CHMP5: variants seen among roughly 807,000 people sequenced by gnomAD.
The protein encoded by CHMP5 is charged multivesicular body protein 5.
CHMP5 carries 17 observed loss-of-function variants against 33.0 expected under a neutral mutation model. The ratio of observed to expected loss-of-function variants is 0.52; its 90% CI spans 0.35 to 0.77. The LOEUF (loss-of-function observed/expected upper bound fraction) is 0.77. Among genes scored for constraint, CHMP5 ranks in the 30% least tolerant of loss-of-function variants. CHMP5 has a pLI of 0.01. For synonymous variants in CHMP5, 76 were observed against 90.2 expected (o/e 0.84, Z 0.89); for missense variants, 216 against 261.5 (o/e 0.83, Z 1.20).
intron 5 of CHMP5, 99 bp from the exon 6 acceptor site, chr9:33,276,357 A>G: frequency 1.5e-6 from 1 of 648,576 alleles, no homozygotes; most frequent in Non-Finnish European, 2.7e-6. Flanking sequence ...ATCTTTTTAA[A>G]AATTGCTCAT....
At chr9:33,269,093 C>CA (rs1820762570) in intron 3 of CHMP5, among the ~76,000 whole-genome samples, 3 of 152,130 alleles carry the variant, frequency 2.0e-5, no homozygotes, top group African/African-American at 7.2e-5. Context: ...GTATAAAGAA[C>CA]ATAGTGACAT....
At chr9:33,267,744 A>G (rs1820743805) in intron 2 of CHMP5, 109 bp from the exon 3 acceptor site, 2 of 716,046 alleles carry the variant, frequency 2.8e-6, no homozygotes, top group Non-Finnish European at 5.0e-6. Context: ...TATGCCTACT[A>G]CTTTGAAGAA....
intron 7 of CHMP5, among the ~76,000 whole-genome samples, chr9:33,278,499 T>G (rs1008138974): frequency 4.6e-5 from 7 of 152,242 alleles, no homozygotes; most frequent in African/African-American, 1.7e-4. Flanking sequence ...TGGGTACCAT[T>G]GATGGGTCTT....
chr9:33,276,471 C>T lies in CHMP5; in HGVS notation c.403C>T (p.Leu135=). 1 of 1,601,934 alleles carries T rather than the reference C, an allele frequency of 6.2e-7. No homozygotes were observed. ...IDQIEDLQDQ[L]EDMMEDANEI... ...ATTTCCGTAGGATTTACAAGACCAG[C>T]TAGAGGATATGATGGAAGATGCAAA... The change falls in exon 6 of 8, where the codon CTA becomes TTA. Residue 135 remains leucine, a synonymous_variant. Transcript: ENST00000223500.
rs1245152464 is a variant in CHMP5, at chr9:33,281,077, C to T, written c.*218C>T. ...TGATTCCTTTTTTTCTTATGAAAAA[C>T]GAACTCAGTTTAAAAGTATTTTTAG... On this transcript the variant is annotated 3_prime_UTR_variant, in exon 8 of 8. Coordinates refer to ENST00000223500, the MANE Select transcript of CHMP5 (RefSeq NM_016410.6). 11 of 430,898 alleles carry T rather than the reference C, an allele frequency of 2.6e-5. No individual in the cohort carries two copies. In the Middle Eastern group the frequency reaches 1.8e-3, roughly 70 times the overall value. 26.7% of individuals were successfully genotyped at this position (430,898 alleles called of 1,614,324 possible).
At chr9:33,275,172 G>A (rs1820838391) in intron 5 of CHMP5, among the ~76,000 whole-genome samples, 2 of 152,168 alleles carry the variant, frequency 1.3e-5, no homozygotes. Flanking sequence ...ACCAAACGAG[G>A]ATCGAAAATA....
chr9:33,271,355 C>T (rs908203092), intron 5 of CHMP5, 132 bp downstream of exon 5: 5 of 700,136 alleles, frequency 7.1e-6, no homozygotes, highest in Admixed American at 2.4e-5. Context: ...AGAGTAACTT[C>T]GAGAAAGGGT....
rs1050157597 is a variant in CHMP5, at chr9:33,280,820, G to T, written c.621G>T (p.Leu207=). ...PTDTKNKDGV[L]VDEFGLPQIP... is the part of the protein sequence containing the mutation. ...CTTCCTTTTTACAGGATGGAGTTCT[G>T]GTGGATGAATTTGGATTGCCACAGA... Residue 207 remains leucine (L), a synonymous_variant, in exon 8 of 8, where the codon CTG becomes CTT. Coordinates refer to ENST00000223500, the MANE Select transcript of CHMP5 (RefSeq NM_016410.6). 7.4e-6 allele frequency: 12 copies of T among 1,611,106 alleles called. No homozygotes were observed. The highest frequency in any genetic ancestry group is 1.0e-5 in the Non-Finnish European group (12 of 1,178,920).
In CHMP5 at chr9:33,269,365, G is replaced by A. The variant is rs149185237; in HGVS notation, c.222-1258G>A. Among the ~76,000 whole-genome samples the A allele has an allele frequency of 9.8e-3, 1,488 of 152,198 alleles. 21 individuals are homozygous for A. The highest frequency in any genetic ancestry group is 0.033 in the African/African-American group (1,368 of 41,512). On this transcript the variant is annotated intron_variant, in intron 3 of 7. Coordinates refer to ENST00000223500, the MANE Select transcript of CHMP5 (RefSeq NM_016410.6). Reference sequence around the variant, plus strand: ...CTAAAAATACAAAAATTAGCTGGGCGTGTTTGCATGCGCTTGTAATCCCAC... The same window carrying A: ...CTAAAAATACAAAAATTAGCTGGGCATGTTTGCATGCGCTTGTAATCCCAC...
chr9:33,280,597 G>T (rs1369039385), intron 7 of CHMP5, among the ~76,000 whole-genome samples: 1 of 152,088 alleles, frequency 6.6e-6, no homozygotes, highest in Non-Finnish European at 1.5e-5. Flanking sequence ...CCCTGTGGAG[G>T]AGCCCCCTTT....
At chr9:33,265,760 A>G (rs1334556403) in intron 1 of CHMP5, among the ~76,000 whole-genome samples, 2 of 152,160 alleles carry the variant, frequency 1.3e-5, no homozygotes, top group Non-Finnish European at 2.9e-5. Context: ...TGATTCTCAA[A>G]TTATTTTCTG....
In CHMP5 at chr9:33,270,628, A is replaced by G; in HGVS notation, c.227A>G (p.Glu76Gly). 6.2e-7 allele frequency: 1 copy of G among 1,613,776 alleles called. No individual in the cohort carries two copies. Among genetic ancestry groups the G allele is most frequent in the Non-Finnish European group, 8.5e-7 (1 of 1,179,734 alleles). Residue 76 changes from glutamate (E) to glycine (G), a missense_variant, in exon 4 of 8, where the codon GAG becomes GGG. Glu to Gly is a moderately conservative substitution (Grantham distance 98). Transcript: ENST00000223500. ...TCTCAATTGACTCTAAAAAGGTATG[A>G]GCAGCAGCGGGACAATCTTGCCCAA... ...LRVLKQKRMY[E>G]QQRDNLAQQS...
intron 4 of CHMP5, 134 bp downstream of exon 4, chr9:33,270,850 G>C: frequency 1.4e-6 from 1 of 722,988 alleles, no homozygotes; most frequent in Admixed American, 2.6e-5. Context: ...GGGAGGCTGA[G>C]GTGGGTGGAT....
chr9:33,265,400 G>A (rs1191113978), intron 1 of CHMP5, among the ~76,000 whole-genome samples: 1 of 151,792 alleles, frequency 6.6e-6, no homozygotes, highest in Non-Finnish European at 1.5e-5. Context: ...CCCATTGCCC[G>A]TCCACTCGCT....
intron 5 of CHMP5, among the ~76,000 whole-genome samples, chr9:33,274,548 T>G (rs1820830820): frequency 6.6e-6 from 1 of 152,196 alleles, no homozygotes. Flanking sequence ...TAGTATTAGG[T>G]GCTTAGTGTT....
chr9:33,275,095 A>G (rs1820836975), intron 5 of CHMP5, among the ~76,000 whole-genome samples: 1 of 152,202 alleles, frequency 6.6e-6, no homozygotes, highest in Non-Finnish European at 1.5e-5. Context: ...GTTTCATATT[A>G]CAGTTTACCC....
At chr9:33,267,101 A>G (rs1189720489) in intron 2 of CHMP5, among the ~76,000 whole-genome samples, 1 of 152,238 alleles carries the variant, frequency 6.6e-6, no homozygotes, top group East Asian at 1.9e-4. Flanking sequence ...TATGTCTAGG[A>G]TAAAGTAGTA....
intron 5 of CHMP5, among the ~76,000 whole-genome samples, chr9:33,273,400 G>C (rs1820817812): frequency 6.6e-6 from 1 of 152,004 alleles, no homozygotes; most frequent in Admixed American, 6.6e-5. Flanking sequence ...CTTTGGTCTT[G>C]GTGAATGCTT....
intron 3 of CHMP5, among the ~76,000 whole-genome samples, chr9:33,269,772 C>T (rs1317988394): frequency 6.6e-6 from 1 of 151,948 alleles, no homozygotes; most frequent in African/African-American, 2.4e-5. Context: ...GTTGGGAGTT[C>T]GAGACCAGCC....
Sources: allele counts gnomAD v4.1 joint callset (sites outside exome capture counted in the v4.1 genomes callset), GRCh38; gene constraint gnomAD v4.1.1; transcripts MANE v1.5; gene names NCBI Gene and HGNC (gene_info 2026-07-23, HGNC 2026-07-21).